Variants in WRN observed in about 807,000 individuals in gnomAD.
The protein encoded by WRN is bifunctional 3'-5' exonuclease/ATP-dependent helicase WRN.
WRN carries 149 observed loss-of-function variants against 180.7 expected under a neutral mutation model. That is an observed-to-expected ratio of 0.82 (90% CI 0.72 to 0.94). The LOEUF is 0.94. Among genes scored for constraint, WRN ranks in the 40% least tolerant of loss-of-function variants. WRN has a pLI of 0.00. For synonymous variants in WRN, 548 were observed against 568.9 expected, an observed-to-expected ratio of 0.96 and a Z score of 0.52; for missense variants, 1,661 against 1,700.1, an observed-to-expected ratio of 0.98 and a Z score of 0.40.
chr8:31,120,220 A>G, intron 20 of WRN, 23 bp from the exon 21 acceptor site: 1 of 1,611,996 alleles, frequency 6.2e-7, no homozygotes, highest in Non-Finnish European at 8.5e-7. Context: ...TGTTTGTCAA[A>G]CTGTGTTGTG....
At chr8:31,112,277 A>G (rs1801350680) in intron 19 of WRN, among the ~76,000 whole-genome samples, 1 of 152,012 alleles carries the variant, frequency 6.6e-6, no homozygotes, top group African/African-American at 2.4e-5. Flanking sequence ...GTAAACAAGC[A>G]AACATAAAAT....
At chr8:31,141,379 C>G in intron 24 of WRN, 51 bp from the exon 25 acceptor site, 1 of 1,604,748 alleles carries the variant, frequency 6.2e-7, no homozygotes, top group Admixed American at 1.7e-5. Flanking sequence ...TTTACTTAAC[C>G]TATATGTTTA....
At position 31,087,780 on chromosome 8, in the gene WRN, T is replaced by C. The variant is rs1183329958; in HGVS notation, c.1436T>C (p.Leu479Ser). 1 of 1,613,256 alleles carries C rather than the reference T, an allele frequency of 6.2e-7. No homozygotes were observed. Among genetic ancestry groups the C allele is most frequent in the Non-Finnish European group, 8.5e-7 (1 of 1,179,600 alleles). ...EDLEMEMLKS[L>S]ENLNSGTVEP... is the part of the protein sequence containing the mutation. ...AGATTTCTTTTAAACTTTCAGTCTT[T>C]AGAAAACCTCAATAGTGGCACGGTA... The change falls in exon 12 of 35, where the codon TTA (leucine) becomes TCA (serine). Residue 479 changes from leucine to serine, a missense_variant. Physicochemically the swap from Leu to Ser is moderately radical, Grantham distance 145. Coordinates refer to ENST00000298139, the MANE Select transcript of WRN (RefSeq NM_000553.6).
chr8:31,096,424 T>C (rs990783068), intron 16 of WRN, among the ~76,000 whole-genome samples: 3 of 152,172 alleles, frequency 2.0e-5, no homozygotes, highest in African/African-American at 7.2e-5. Flanking sequence ...TGAGTGTATA[T>C]TGAAATTTAT....
At chr8:31,052,810 A>G (rs1812126615) in intron 1 of WRN, among the ~76,000 whole-genome samples, 1 of 152,178 alleles carries the variant, frequency 6.6e-6, no homozygotes, top group African/African-American at 2.4e-5. Flanking sequence ...TATGAGGTTG[A>G]TAAACATGAT....
intron 1 of WRN, among the ~76,000 whole-genome samples, chr8:31,047,228 G>A (rs1036133018): frequency 2.0e-5 from 3 of 148,100 alleles, no homozygotes; most frequent in Admixed American, 1.4e-4. Flanking sequence ...CTGCAACCTC[G>A]AATCCCTGGG....
rs1445419615 is a variant in WRN, at chr8:31,108,059, T to C, written c.2089-3556T>C. Among the ~76,000 whole-genome samples the C allele has an allele frequency of 2.0e-5, 3 of 152,254 alleles. 1 individual carries two copies. The highest frequency in any genetic ancestry group is 7.2e-5 in the African/African-American group (3 of 41,474). On this transcript the variant is annotated intron_variant, in intron 18 of 34. Coordinates refer to ENST00000298139, the MANE Select transcript of WRN (RefSeq NM_000553.6). Reference sequence around the variant, plus strand: ...AGCAGGTGGGATACTTATACTTTTCTCAGTCTGTGGGCACCACACCATTGA... The same window carrying C: ...AGCAGGTGGGATACTTATACTTTTCCCAGTCTGTGGGCACCACACCATTGA...
intron 30 of WRN, among the ~76,000 whole-genome samples, chr8:31,147,999 C>T (rs11574360): frequency 0.23 from 34,733 of 151,358 alleles, 4,182 homozygotes; most frequent in South Asian, 0.29. Flanking sequence ...GCTATCCTCG[C>T]ACCTCAGCCT....
At chr8:31,106,059 A>C (rs1177695902) in intron 18 of WRN, among the ~76,000 whole-genome samples, 1 of 150,170 alleles carries the variant, frequency 6.7e-6, no homozygotes. Flanking sequence ...CTCTTTCCTC[A>C]CTCTCCTCCA....
At chr8:31,122,860 G>GTTTTTTTTTTTTT (rs71206298) in intron 21 of WRN, among the ~76,000 whole-genome samples, 22 of 69,480 alleles carry the variant, frequency 3.2e-4, no homozygotes, top group East Asian at 4.8e-4. Flanking sequence ...TTCTTTTCTT[G>GTTTTTTTTTTTTT]TTTTTTTTTT....
chr8:31,133,653 G>A (rs1802274290), intron 24 of WRN, among the ~76,000 whole-genome samples: 1 of 152,012 alleles, frequency 6.6e-6, no homozygotes, highest in Non-Finnish European at 1.5e-5. Flanking sequence ...TTAAAATTTT[G>A]TTTGTAAATC....
At chr8:31,083,409 T>C (rs1433970226) in intron 9 of WRN, among the ~76,000 whole-genome samples, 18 of 152,210 alleles carry the variant, frequency 1.2e-4, no homozygotes, top group Admixed American at 1.1e-3. Flanking sequence ...TTAACCTGAG[T>C]TGAACTTGTC....
At position 31,120,350 on chromosome 8, in the gene WRN, T is replaced by G; in HGVS notation, c.2556T>G (p.Ile852Met). The G allele has an allele frequency of 6.2e-7, 1 of 1,612,906 alleles. No individual in the cohort carries two copies. Among genetic ancestry groups the G allele is most frequent in the Non-Finnish European group, 8.5e-7 (1 of 1,179,124 alleles). The change falls in exon 21 of 35, where the codon ATT becomes ATG. Residue 852 changes from isoleucine to methionine, a missense_variant. Ile to Met is a conservative substitution (Grantham distance 10). Around this residue, in one of 3 missense-constraint regions of WRN, gnomAD observed 1,141 missense variants for 1,149.4 expected, o/e 0.99. Coordinates refer to ENST00000298139, the MANE Select transcript of WRN (RefSeq NM_000553.6). ...ACATGGAATCATATTATCAGGAGAT[T>G]GGTAGAGCTGGTCGTGATGGACTTC... ...PKDMESYYQE[I>M]GRAGRDGLQS...
At chr8:31,147,558 C>G in intron 30 of WRN, 82 bp downstream of exon 30, 1 of 1,267,140 alleles carries the variant, frequency 7.9e-7, no homozygotes, top group South Asian at 1.3e-5. Flanking sequence ...GATAATATGA[C>G]CATAGCTTCC....
rs1804252662 is a variant in WRN at position 31,175,633 on chromosome 8, A to T, written c.*2531A>T. ...ATTTCAGAGAACAATGTCCACCATTATCTGAACAGGCTATTAAAATACTCT... is the reference window on the plus strand; with the variant it reads ...ATTTCAGAGAACAATGTCCACCATTTTCTGAACAGGCTATTAAAATACTCT... On this transcript the variant is annotated 3_prime_UTR_variant, in exon 35 of 35. Coordinates refer to ENST00000298139, the MANE Select transcript of WRN (RefSeq NM_000553.6). Among the ~76,000 whole-genome samples, 1 of 152,250 alleles carries T rather than the reference A, an allele frequency of 6.6e-6. No individual in the cohort carries two copies. Among genetic ancestry groups the T allele is most frequent in the South Asian group, 2.1e-4 (1 of 4,838 alleles).
chr8:31,172,477 T>C (rs1804140491), intron 34 of WRN, among the ~76,000 whole-genome samples: 1 of 152,214 alleles, frequency 6.6e-6, no homozygotes, highest in African/African-American at 2.4e-5. Flanking sequence ...AAACTTTTAT[T>C]TTTTTCATTT....
intron 1 of WRN, among the ~76,000 whole-genome samples, chr8:31,035,903 G>A (rs888384652): frequency 3.3e-5 from 5 of 152,022 alleles, no homozygotes; most frequent in African/African-American, 1.2e-4. Context: ...AATCCCACCC[G>A]CTTTCCTAGC....
intron 18 of WRN, among the ~76,000 whole-genome samples, chr8:31,109,943 A>G (rs542503328): frequency 2.2e-4 from 34 of 152,294 alleles, no homozygotes; most frequent in Non-Finnish European, 4.4e-4. Context: ...TCATTTTCAT[A>G]AATATATTAC....
At chr8:31,137,506 A>G (rs1802444365) in intron 24 of WRN, among the ~76,000 whole-genome samples, 1 of 152,112 alleles carries the variant, frequency 6.6e-6, no homozygotes, top group South Asian at 2.1e-4. Context: ...CCAACTAGAT[A>G]CCAAGTCATG....
Sources: allele counts gnomAD v4.1 joint callset (sites outside exome capture counted in the v4.1 genomes callset), GRCh38; gene constraint gnomAD v4.1.1; regional missense constraint gnomAD v4.1.1; transcripts MANE v1.5; gene names NCBI Gene and HGNC (gene_info 2026-07-23, HGNC 2026-07-21).